SH3PXD2A: variants seen among roughly 807,000 people sequenced by gnomAD.
SH3PXD2A encodes the protein SH3 and PX domain-containing protein 2A.
Under a neutral mutation model 115.2 loss-of-function variants are expected in SH3PXD2A, and 32 were observed. The observed-to-expected ratio is 0.28, with a 90% CI of 0.21 to 0.37. SH3PXD2A has a LOEUF of 0.37. SH3PXD2A is among the 10% of genes least tolerant of loss of function. The pLI is 1.00. For synonymous variants in SH3PXD2A, 610 were observed against 629.1 expected (o/e 0.97, Z 0.45); for missense variants, 1,328 against 1,498.7 (o/e 0.89, Z 1.88).
chr10:103,622,641 GGA>G, intron 9 of SH3PXD2A, 88 bp from the exon 10 acceptor site: 1 of 771,916 alleles, frequency 1.3e-6, no homozygotes. Context: ...GGGGGTGGGA[GGA>G]AGGGGCACAG....
At chr10:103,622,171 G>T (rs949880175) in intron 10 of SH3PXD2A, among the ~76,000 whole-genome samples, 2 of 152,090 alleles carry the variant, frequency 1.3e-5, no homozygotes, top group African/African-American at 4.8e-5. Context: ...CTTTCTTAAA[G>T]ACCCGAAACC....
At chr10:103,760,107 AG>A (rs1191337003) in intron 3 of SH3PXD2A, among the ~76,000 whole-genome samples, 4 of 152,214 alleles carry the variant, frequency 2.6e-5, no homozygotes, top group African/African-American at 9.7e-5. Context: ...GACTAAGGAT[AG>A]TGTCCATCTT....
intron 5 of SH3PXD2A, among the ~76,000 whole-genome samples, chr10:103,695,513 GAA>G (rs1321423150): frequency 3.2e-5 from 3 of 93,064 alleles, no homozygotes; most frequent in Admixed American, 1.1e-4. Flanking sequence ...GTCTCAAAAA[GAA>G]AAAAAAAAAA....
chr10:103,802,536 C>T (rs918254312), intron 1 of SH3PXD2A, among the ~76,000 whole-genome samples: 1 of 152,230 alleles, frequency 6.6e-6, no homozygotes, highest in Non-Finnish European at 1.5e-5. Flanking sequence ...CCCCAGTCCA[C>T]ACAATCTGGC....
chr10:103,684,294 G>A (rs2037647557), intron 6 of SH3PXD2A, among the ~76,000 whole-genome samples: 1 of 152,094 alleles, frequency 6.6e-6, no homozygotes, highest in African/African-American at 2.4e-5. Flanking sequence ...CTGGGCAAGT[G>A]GCCATCCCTC....
chr10:103,704,075 CCTCCACCTGCTCCAG>C (rs2037952649), intron 5 of SH3PXD2A, among the ~76,000 whole-genome samples: 1 of 152,180 alleles, frequency 6.6e-6, no homozygotes, highest in South Asian at 2.1e-4. Flanking sequence ...ATACACAGAT[CCTCCACCTGCTCCAG>C]CTCCACCTGC....
At chr10:103,607,023 C>T (rs1453828991) in intron 13 of SH3PXD2A, among the ~76,000 whole-genome samples, 2 of 150,210 alleles carry the variant, frequency 1.3e-5, no homozygotes, top group Admixed American at 1.3e-4. Flanking sequence ...CGTCTCTGCC[C>T]GGCCGCCATC....
intron 2 of SH3PXD2A, among the ~76,000 whole-genome samples, chr10:103,798,816 C>T (rs2039119518): frequency 6.6e-6 from 1 of 152,196 alleles, no homozygotes; most frequent in African/African-American, 2.4e-5. Flanking sequence ...AATACGCCGG[C>T]AGGGACTGGG....
In SH3PXD2A at chr10:103,602,811, G is replaced by C; in HGVS notation, c.2407C>G (p.Pro803Ala). 6.2e-7 allele frequency: 1 copy of C among 1,614,162 alleles called. No homozygotes were observed. The highest frequency in any genetic ancestry group is 8.5e-7 in the Non-Finnish European group (1 of 1,180,026). ...GGAGCCTCGGAGGCCGTCTGCGGGG[G>C]CAGCTCCGAATCCTCACTCTTGGAG... ...KGSKSEDSEL[P>A]PQTASEAPSE... The change falls in exon 15 of 15, where the codon CCC (proline) becomes GCC (alanine). Residue 803 changes from proline to alanine, a missense_variant. By Grantham distance (27) the Pro-to-Ala change is conservative. Transcript: ENST00000369774.
chr10:103,646,750 G>C (rs2037042330), intron 8 of SH3PXD2A, among the ~76,000 whole-genome samples: 1 of 152,226 alleles, frequency 6.6e-6, no homozygotes, highest in Non-Finnish European at 1.5e-5. Context: ...TAAAGGCTGG[G>C]GAATGAGTGA....
At chr10:103,775,794 G>A (rs1362976033) in intron 2 of SH3PXD2A, among the ~76,000 whole-genome samples, 1 of 152,140 alleles carries the variant, frequency 6.6e-6, no homozygotes, top group Non-Finnish European at 1.5e-5. Flanking sequence ...GGGTAATTAG[G>A]GTGCCCTAAA....
intron 4 of SH3PXD2A, among the ~76,000 whole-genome samples, chr10:103,725,526 C>G (rs2038230122): frequency 6.6e-6 from 1 of 152,056 alleles, no homozygotes; most frequent in Non-Finnish European, 1.5e-5. Flanking sequence ...GGCACTAGGT[C>G]AGGAGGTAGT....
intron 5 of SH3PXD2A, among the ~76,000 whole-genome samples, chr10:103,716,902 G>C (rs2038111637): frequency 6.6e-6 from 1 of 152,354 alleles, no homozygotes; most frequent in African/African-American, 2.4e-5. Context: ...TATGTGGAGG[G>C]AAGTGATGTG....
intron 5 of SH3PXD2A, among the ~76,000 whole-genome samples, chr10:103,706,260 G>C (rs991009350): frequency 3.3e-5 from 5 of 152,218 alleles, no homozygotes; most frequent in African/African-American, 4.8e-5. Context: ...GCTGCCTCCT[G>C]GTGGTTCTGC....
Position 103,651,709 on chromosome 10 carries a change from G to A in SH3PXD2A, c.604+9274C>T, listed in dbSNP as rs1356404851. On this transcript the variant is annotated intron_variant, in intron 8 of 14. Coordinates refer to ENST00000369774, the MANE Select transcript of SH3PXD2A (RefSeq NM_001394015.1). ...TATAGACTGCATGGTTTTATATCTT[G>A]TAAAACATAAAATACTGTGATTCAG... Among the ~76,000 whole-genome samples the A allele has an allele frequency of 2.6e-5, 4 of 152,178 alleles. No individual in the cohort carries two copies. In the East Asian group the frequency reaches 7.7e-4, roughly 29 times the overall value.
At chr10:103,631,853 C>T (rs2036784732) in intron 8 of SH3PXD2A, among the ~76,000 whole-genome samples, 1 of 152,098 alleles carries the variant, frequency 6.6e-6, no homozygotes, top group Non-Finnish European at 1.5e-5. Flanking sequence ...GGGGGTGGCT[C>T]ATGCCTGTAA....
chr10:103,782,729 G>A (rs982982398), intron 2 of SH3PXD2A, among the ~76,000 whole-genome samples: 7 of 151,332 alleles, frequency 4.6e-5, no homozygotes, highest in African/African-American at 1.7e-4. Context: ...TGGGCATGGT[G>A]GCTCATCCCT....
chr10:103,822,589 A>G (rs1328303175), intron 1 of SH3PXD2A, among the ~76,000 whole-genome samples: 3 of 152,278 alleles, frequency 2.0e-5, no homozygotes, highest in Non-Finnish European at 4.4e-5. Context: ...CGAGGACCCC[A>G]GGAAGCCTGG....
At chr10:103,769,181 T>TGTGTGTGTGCGC (rs1554921417) in intron 2 of SH3PXD2A, among the ~76,000 whole-genome samples, 5 of 112,948 alleles carry the variant, frequency 4.4e-5, no homozygotes, top group African/African-American at 1.2e-4. Context: ...TGTGTGTGTG[T>TGTGTGTGTGCGC]GCGCGCGCGC....
Sources: gnomAD v4.1 joint callset for allele counts (sites outside exome capture counted in the v4.1 genomes callset) on GRCh38, gnomAD v4.1.1 for gene constraint, MANE v1.5 for transcripts, NCBI Gene and HGNC (gene_info 2026-07-23, HGNC 2026-07-21) for gene names.